The following KLF9 variants were observed in gnomAD, a reference collection of about 807,000 sequenced individuals.
KLF9 encodes Krueppel-like factor 9.
KLF9 carries 2 observed loss-of-function variants against 17.3 expected under a neutral mutation model. The ratio of observed to expected loss-of-function variants is 0.12; its 90% CI spans 0.05 to 0.36. The LOEUF (loss-of-function observed/expected upper bound fraction) is 0.36, where lower values mean the gene tolerates loss of function less well. Ranked by LOEUF, KLF9 falls within the 10% of genes least tolerant of loss-of-function variation. The pLI, the probability that KLF9 is intolerant of heterozygous loss-of-function variation, is 1.00. For missense variants in KLF9, 226 were observed against 333.2 expected (o/e 0.68, Z 2.51); for synonymous variants, 138 against 139.2 (o/e 0.99, Z 0.06).
intron 1 of KLF9, among the ~76,000 whole-genome samples, chr9:70,392,565 T>G (rs1356927823): frequency 6.6e-6 from 1 of 152,138 alleles, no homozygotes; most frequent in Non-Finnish European, 1.5e-5. Flanking sequence ...AAGGTATTAT[T>G]TAGAAAATGA....
chr9:70,389,209 A>C (rs1459729865), intron 1 of KLF9, among the ~76,000 whole-genome samples: 1 of 152,098 alleles, frequency 6.6e-6, no homozygotes, highest in Non-Finnish European at 1.5e-5. Context: ...ATCTGCAGAC[A>C]GATATGTCTT....
At position 70,406,898 on chromosome 9, in the gene KLF9, AG is replaced by A. The variant is rs1203956764; in HGVS notation, c.505+5960del. Among the ~76,000 whole-genome samples, 228 of 121,144 alleles carry A rather than the reference AG, an allele frequency of 1.9e-3. 1 individual carries two copies. Among genetic ancestry groups the A allele is most frequent in the South Asian group, 0.011 (36 of 3,424 alleles). The allele number at this position is 121,144 out of a possible 152,430, so 79.5% of individuals were successfully genotyped here. A position where few individuals can be genotyped will look rare whatever the true frequency, so the allele number is the denominator to read the frequency against. On this transcript the variant is annotated intron_variant, in intron 1 of 1. Coordinates refer to ENST00000377126, the MANE Select transcript of KLF9 (RefSeq NM_001206.4). ...GCCAAAGGGAAAGAGAGAGAGAGAG[AG>A]AAAAAAAAAAAAAGAACACGGAAGA...
chr9:70,388,991 A>C (rs1397152606), intron 1 of KLF9, among the ~76,000 whole-genome samples: 1 of 152,032 alleles, frequency 6.6e-6, no homozygotes, highest in Non-Finnish European at 1.5e-5. Flanking sequence ...AAATACAAAA[A>C]TTAGCTGGGT....
intron 1 of KLF9, among the ~76,000 whole-genome samples, chr9:70,390,530 T>C (rs551226121): frequency 2.2e-4 from 33 of 152,280 alleles, no homozygotes; most frequent in African/African-American, 7.7e-4. Flanking sequence ...AAATACAGAT[T>C]GTTACAACCC....
intron 1 of KLF9, among the ~76,000 whole-genome samples, chr9:70,388,908 G>A (rs1192891011): frequency 2.0e-5 from 3 of 152,198 alleles, no homozygotes; most frequent in Admixed American, 6.5e-5. Flanking sequence ...GGGAGGCTGA[G>A]GCGGGCAGAT....
At chr9:70,389,544 T>C (rs1363563789) in intron 1 of KLF9, among the ~76,000 whole-genome samples, 4 of 152,184 alleles carry the variant, frequency 2.6e-5, no homozygotes, top group African/African-American at 7.2e-5. Flanking sequence ...CTCTTTCCGA[T>C]TGCTTTCCTT....
chr9:70,404,610 C>A (rs186303006), intron 1 of KLF9, among the ~76,000 whole-genome samples: 81 of 151,540 alleles, frequency 5.3e-4, no homozygotes, highest in African/African-American at 1.5e-3. Context: ...GTCTCAAAAT[C>A]ATAATAATAA....
intron 1 of KLF9, among the ~76,000 whole-genome samples, chr9:70,402,446 C>A (rs906872399): frequency 6.6e-6 from 1 of 152,192 alleles, no homozygotes; most frequent in Admixed American, 6.5e-5. Context: ...ATAGACTAGG[C>A]TTTTACCTAT....
At position 70,389,486 on chromosome 9, in the gene KLF9, G is replaced by C. The variant is rs548327047; in HGVS notation, c.506-1481C>G. On this transcript the variant is annotated intron_variant, in intron 1 of 1. Coordinates refer to ENST00000377126, the MANE Select transcript of KLF9 (RefSeq NM_001206.4). ...CAAGGCCCGTGCTCTTGGCCACTTG[G>C]CTGTCCTGACTCCTGGGGGTCCTGG... 4.1e-4 allele frequency among the ~76,000 whole-genome samples: 63 copies of C among 152,270 alleles called. No homozygotes were observed. In the South Asian group the frequency reaches 0.01, roughly 25 times the overall value.
chr9:70,387,761 T>G lies in KLF9; in HGVS notation c.*15A>C. On this transcript the variant is annotated 3_prime_UTR_variant, in exon 2 of 2. Coordinates refer to ENST00000377126, the MANE Select transcript of KLF9 (RefSeq NM_001206.4). Reference sequence around the variant, plus strand: ...TTTCGGGGTCCATCCCTCCCTGGCTTCCACGGGCAGCACCTCACAAAGCGT... The same window carrying G: ...TTTCGGGGTCCATCCCTCCCTGGCTGCCACGGGCAGCACCTCACAAAGCGT... 1 of 1,611,126 alleles carries G rather than the reference T, an allele frequency of 6.2e-7. No individual in the cohort carries two copies. Among genetic ancestry groups the G allele is most frequent in the Non-Finnish European group, 8.5e-7 (1 of 1,177,544 alleles).
chr9:70,399,579 T>A (rs1362483742), intron 1 of KLF9, among the ~76,000 whole-genome samples: 1 of 152,264 alleles, frequency 6.6e-6, no homozygotes, highest in Non-Finnish European at 1.5e-5. Flanking sequence ...ACCATGGAAT[T>A]CAAACCTGTC....
At position 70,413,451 on chromosome 9, in the gene KLF9, GAGCGCGGCGCGGCGC is replaced by G; in HGVS notation, c.-103_-89del. On this transcript the variant is annotated 5_prime_UTR_variant, in exon 1 of 2. Coordinates refer to ENST00000377126, the MANE Select transcript of KLF9 (RefSeq NM_001206.4). The surrounding 1 kb of genome is among the most constrained non-coding windows in gnomAD (Gnocchi z 5.6). ...TCGCCCTGCCCTGGCCTCGGACGAC[GAGCGCGGCGCGGCGC>G]GGCACGGCGCGGCGGCCAAGGGGGC... 7.9e-7 allele frequency: 1 copy of G among 1,263,254 alleles called. No individual in the cohort carries two copies. The highest frequency in any genetic ancestry group is 1.0e-6 in the Non-Finnish European group (1 of 1,002,048). 78.3% of individuals were successfully genotyped at this position (1,263,254 alleles called of 1,614,324 possible).
rs1412309286 is a variant in KLF9 at position 70,413,577 on chromosome 9, C to T, written c.-214G>A. ...ACGTAACCGGCAGCGCCTCCGCACG[C>T]AGCATCCACGGCCCCGGGCTCCGCC... On this transcript the variant is annotated 5_prime_UTR_variant, in exon 1 of 2. Transcript: ENST00000377126. This position sits in a 1 kb window ranked among gnomAD's most constrained non-coding sequence, Gnocchi z 5.6. 2 of 298,732 alleles carry T rather than the reference C, an allele frequency of 6.7e-6. No individual in the cohort carries two copies. The highest frequency in any genetic ancestry group is 5.7e-6 in the Non-Finnish European group (1 of 176,166). The allele number at this position is 298,732 out of a possible 1,614,324, so 18.5% of individuals were successfully genotyped here. A position where few individuals can be genotyped will look rare whatever the true frequency, so the allele number is the denominator to read the frequency against.
chr9:70,412,737 G>C, intron 1 of KLF9, 122 bp downstream of exon 1: 1 of 901,634 alleles, frequency 1.1e-6, no homozygotes, highest in Non-Finnish European at 1.7e-6. Flanking sequence ...GAGTTAAACC[G>C]CATCTTATCC....
chr9:70,408,646 C>T (rs527441305), intron 1 of KLF9, among the ~76,000 whole-genome samples: 76 of 152,182 alleles, frequency 5.0e-4, no homozygotes, highest in Middle Eastern at 3.4e-3. Context: ...CTGATACCTC[C>T]GATGACATCA....
Position 70,413,679 on chromosome 9 carries a change from C to A in KLF9, c.-316G>T. On this transcript the variant is annotated 5_prime_UTR_variant, in exon 1 of 2. Coordinates refer to ENST00000377126, the MANE Select transcript of KLF9 (RefSeq NM_001206.4). This position sits in a 1 kb window ranked among gnomAD's most constrained non-coding sequence, Gnocchi z 5.6. ...GACGGGCGCGCCGGCCCCTCTGAGC[C>A]GGCTCCCTTGGAAAGATGCCACACG... 6.3e-6 allele frequency: 1 copy of A among 157,526 alleles called. No individual in the cohort carries two copies. Among genetic ancestry groups the A allele is most frequent in the South Asian group, 1.8e-4 (1 of 5,460 alleles). The allele number at this position is 157,526 out of a possible 1,614,324, so 9.8% of individuals were successfully genotyped here.
At position 70,388,155 on chromosome 9, in the gene KLF9, G is replaced by A. The variant is rs115297699; in HGVS notation, c.506-150C>T. ...CCCTCCCCAAAATCCCTATGTTGAA[G>A]CCTTAACCCCCAGCACCACAGAAAA... On this transcript the variant is annotated intron_variant, in intron 1 of 1. Transcript: ENST00000377126. 3.7e-3 allele frequency: 2,474 copies of A among 666,942 alleles called. 44 individuals are homozygous for A. The African/African-American group carries it at 0.038, about 10-fold the overall frequency. 41.3% of individuals were successfully genotyped at this position (666,942 alleles called of 1,614,324 possible).
chr9:70,412,654 C>T (rs1051112647), intron 1 of KLF9, among the ~76,000 whole-genome samples: 1 of 152,208 alleles, frequency 6.6e-6, no homozygotes, highest in Non-Finnish European at 1.5e-5. Context: ...TAAGGCTCTC[C>T]GTGGCTCCCG....
At chr9:70,397,873 T>C (rs1226891712) in intron 1 of KLF9, among the ~76,000 whole-genome samples, 2 of 152,180 alleles carry the variant, frequency 1.3e-5, no homozygotes, top group East Asian at 1.9e-4. Context: ...GTACGAAACA[T>C]GAACAGTTGC....
Sources: gnomAD v4.1 joint callset for allele counts (sites outside exome capture counted in the v4.1 genomes callset) on GRCh38, gnomAD v4.1.1 for gene constraint, Gnocchi (gnomAD v3.1) non-coding constraint, MANE v1.5 for transcripts, NCBI Gene and HGNC (gene_info 2026-07-23, HGNC 2026-07-21) for gene names.